ARHGEF17: variants seen among roughly 807,000 people sequenced by gnomAD.
The protein encoded by ARHGEF17 is 164 kDa Rho-specific guanine-nucleotide exchange factor.
ARHGEF17 carries 80 observed loss-of-function variants against 174.0 expected under a neutral mutation model. That is an observed-to-expected ratio of 0.46 (90% CI 0.38 to 0.55). ARHGEF17 has a LOEUF of 0.55. ARHGEF17 is among the 20% of genes least tolerant of loss of function. The pLI, the probability that ARHGEF17 is intolerant of heterozygous loss-of-function variation, is 0.00. For missense variants in ARHGEF17, 2,886 were observed against 2,839.7 expected (o/e 1.02, Z -0.37); for synonymous variants, 1,311 against 1,189.1 (o/e 1.10, Z -2.11).
chr11:73,355,117 G>T (rs1025300434), intron 3 of ARHGEF17, among the ~76,000 whole-genome samples: 2 of 152,232 alleles, frequency 1.3e-5, no homozygotes, highest in Admixed American at 1.3e-4. Context: ...CCTGGTGGGG[G>T]GATCTGCATA....
chr11:73,319,358 G>A (rs1049649687), intron 1 of ARHGEF17, among the ~76,000 whole-genome samples: 4 of 151,966 alleles, frequency 2.6e-5, no homozygotes, highest in South Asian at 4.2e-4. Context: ...CACTGCGCCC[G>A]GCCTCCTTCC....
chr11:73,341,069 C>T (rs983089836), intron 1 of ARHGEF17, among the ~76,000 whole-genome samples: 15 of 152,142 alleles, frequency 9.9e-5, no homozygotes, highest in African/African-American at 4.8e-5. Flanking sequence ...TATAAGTGCC[C>T]TGGCTTACAA....
In ARHGEF17 at chr11:73,360,322, C is replaced by G. The variant is rs1191237191; in HGVS notation, c.4209C>G (p.Ser1403Arg). 6 of 1,613,404 alleles carry G rather than the reference C, an allele frequency of 3.7e-6. No individual in the cohort carries two copies. Among genetic ancestry groups the G allele is most frequent in the Non-Finnish European group, 5.1e-6 (6 of 1,180,036 alleles). Residue 1403 changes from serine (S) to arginine (R), a missense_variant and splice_region_variant, in exon 11 of 21, where the codon AGC (serine) becomes AGG (arginine). Transcript: ENST00000263674. The stretch of plus-strand genomic sequence containing the variant: ...GGCCTGGGCCCTCTTCCCCACAGAG[C>G]CTGGACGATGCACTGCGGGACCTCT... ...LSESLGFPHQ[S>R]LDDALRDLSA...
chr11:73,327,929 G>A (rs1253286037), intron 1 of ARHGEF17, among the ~76,000 whole-genome samples: 1 of 152,172 alleles, frequency 6.6e-6, no homozygotes, highest in African/African-American at 2.4e-5. Flanking sequence ...GAGTACTCAC[G>A]TGTTAGTACT....
At chr11:73,330,749 C>T (rs1020122945) in intron 1 of ARHGEF17, among the ~76,000 whole-genome samples, 14 of 152,362 alleles carry the variant, frequency 9.2e-5, no homozygotes, top group African/African-American at 3.1e-4. Context: ...CCCTGGACAT[C>T]GCCCTGGCTG....
chr11:73,362,323 C>G (rs1865756093), intron 13 of ARHGEF17, 84 bp downstream of exon 13: 1 of 1,446,208 alleles, frequency 6.9e-7, no homozygotes, highest in African/African-American at 1.4e-5. Flanking sequence ...GCCGCCCCGG[C>G]GTGGTTGTGG....
At chr11:73,366,434 T>G (rs1000621222) in intron 20 of ARHGEF17, among the ~76,000 whole-genome samples, 2 of 152,064 alleles carry the variant, frequency 1.3e-5, no homozygotes, top group Non-Finnish European at 2.9e-5. Flanking sequence ...AATTAGAAAG[T>G]GAAACAGCCG....
Position 73,310,951 on chromosome 11 carries a change from C to T in ARHGEF17, c.2313C>T (p.Ala771=), listed in dbSNP as rs375400195. Residue 771 remains alanine, a synonymous_variant, in exon 1 of 21, where the codon GCC becomes GCT. Coordinates refer to ENST00000263674, the MANE Select transcript of ARHGEF17 (RefSeq NM_014786.4). The part of the protein sequence containing the change: ...GSLSPKTGLP[A]TSAMDEGLTS... ...TGAGCCCCAAGACAGGGCTCCCTGC[C>T]ACCTCAGCCATGGATGAGGGCTTGA... 47 of 1,614,064 alleles carry T rather than the reference C, an allele frequency of 2.9e-5. No homozygotes were observed. The highest frequency in any genetic ancestry group is 3.3e-5 in the Admixed American group (2 of 60,012).
At chr11:73,324,817 C>T (rs773287166) in intron 1 of ARHGEF17, among the ~76,000 whole-genome samples, 20 of 152,236 alleles carry the variant, frequency 1.3e-4, no homozygotes, top group Non-Finnish European at 2.8e-4. Flanking sequence ...GTCCCAGGAA[C>T]CAGCACATAG....
intron 1 of ARHGEF17, among the ~76,000 whole-genome samples, chr11:73,315,617 A>G (rs906468475): frequency 6.6e-6 from 1 of 152,044 alleles, no homozygotes; most frequent in African/African-American, 2.4e-5. Flanking sequence ...GGTACCAAAT[A>G]TCTATAATTA....
intron 1 of ARHGEF17, chr11:73,343,327 T>TCAGC (rs1378096730): frequency 2.5e-6 from 1 of 395,362 alleles, no homozygotes; most frequent in African/African-American, 2.1e-5. Flanking sequence ...GGCCTAGAAC[T>TCAGC]CAGCCGACCC....
chr11:73,344,512 G>C (rs1048686726), intron 1 of ARHGEF17, among the ~76,000 whole-genome samples: 1 of 152,218 alleles, frequency 6.6e-6, no homozygotes, highest in African/African-American at 2.4e-5. Context: ...TGTGGTGCCC[G>C]CTGGGCCTGA....
At chr11:73,316,495 A>G (rs1237391781) in intron 1 of ARHGEF17, among the ~76,000 whole-genome samples, 1 of 152,192 alleles carries the variant, frequency 6.6e-6, no homozygotes, top group Non-Finnish European at 1.5e-5. Flanking sequence ...GGTACTTTAG[A>G]TCAAGAGATC....
rs772347803 is a variant in ARHGEF17 at position 73,362,495 on chromosome 11, T to C, written c.4757T>C (p.Leu1586Pro). ...GCACCGGAGCCCGCCGGGCCGGAGC[T>C]GGACGTCGAGGCCGCTGCAGACGAG... is the stretch of plus-strand genomic sequence containing the variant. ...ETAPEPAGPE[L>P]DVEAAADEEA... The change falls in exon 14 of 21, where the codon CTG (leucine) becomes CCG (proline). Residue 1586 changes from leucine (L) to proline (P), a missense_variant. Leu to Pro is a moderately conservative substitution (Grantham distance 98, BLOSUM62 -3). Around this residue, in one of 4 missense-constraint regions of ARHGEF17, gnomAD observed 476 missense variants for 473.1 expected, o/e 1.01. Coordinates refer to ENST00000263674, the MANE Select transcript of ARHGEF17 (RefSeq NM_014786.4). The C allele has an allele frequency of 3.7e-6, 6 of 1,601,018 alleles. No homozygotes were observed. In the Admixed American group the frequency reaches 6.7e-5, roughly 18 times the overall value.
At chr11:73,346,818 G>T in intron 1 of ARHGEF17, 65 bp from the exon 2 acceptor site, 3 of 1,297,566 alleles carry the variant, frequency 2.3e-6, no homozygotes, top group Non-Finnish European at 3.0e-6. Flanking sequence ...GGCACCATGT[G>T]GCTACAGGTG....
intron 1 of ARHGEF17, among the ~76,000 whole-genome samples, chr11:73,341,795 T>C (rs1413509951): frequency 6.6e-6 from 1 of 152,188 alleles, no homozygotes. Flanking sequence ...GGGGTCAGGA[T>C]GTCCACTGTG....
intron 1 of ARHGEF17, among the ~76,000 whole-genome samples, chr11:73,329,601 T>C (rs1373957008): frequency 6.6e-6 from 1 of 151,534 alleles, no homozygotes; most frequent in Non-Finnish European, 1.5e-5. Context: ...GAGTTCACCA[T>C]GTTGGCCTCG....
At chr11:73,334,194 A>G (rs1307618007) in intron 1 of ARHGEF17, among the ~76,000 whole-genome samples, 1 of 152,172 alleles carries the variant, frequency 6.6e-6, no homozygotes, top group African/African-American at 2.4e-5. Context: ...GAGGCTGCTG[A>G]TTGGGGAATT....
intron 1 of ARHGEF17, among the ~76,000 whole-genome samples, chr11:73,325,219 T>A (rs1174629970): frequency 6.6e-6 from 1 of 152,016 alleles, no homozygotes; most frequent in Non-Finnish European, 1.5e-5. Flanking sequence ...AGCCCAAACC[T>A]CCCCCACCCC....
Sources: gnomAD v4.1 joint callset for allele counts (sites outside exome capture counted in the v4.1 genomes callset) on GRCh38, gnomAD v4.1.1 for gene constraint, gnomAD v4.1.1 regional missense constraint, MANE v1.5 for transcripts, NCBI Gene and HGNC (gene_info 2026-07-23, HGNC 2026-07-21) for gene names.